Variants in CEP63 observed in about 807,000 individuals in gnomAD.
CEP63 encodes centrosomal protein 63, also known as centrosomal protein of 63 kDa.
CEP63 carries 84 observed loss-of-function variants against 89.1 expected under a neutral mutation model. The observed-to-expected ratio is 0.94, with a 90% CI of 0.79 to 1.13. CEP63 has a LOEUF of 1.13. Ranked by LOEUF, CEP63 falls within the 50% of genes most tolerant of loss-of-function variation. The pLI is 0.00. For synonymous variants in CEP63, 267 were observed against 272.5 expected, an observed-to-expected ratio of 0.98 and a Z score of 0.20; for missense variants, 838 against 813.3, an observed-to-expected ratio of 1.03 and a Z score of -0.37.
chr3:134,490,608 T>A (rs1368350410), intron 1 of CEP63, among the ~76,000 whole-genome samples: 1 of 152,172 alleles, frequency 6.6e-6, no homozygotes, highest in East Asian at 1.9e-4. Context: ...TTTTTCCCCA[T>A]TTTGATTTGT....
the CEP63 span, among the ~76,000 whole-genome samples, chr3:134,732,294 C>G: frequency 2.0e-5 from 3 of 152,134 alleles, no homozygotes; most frequent in Non-Finnish European, 4.4e-5. Flanking sequence ...AATAAAAATT[C>G]TCCTCCTAAC....
At chr3:134,629,659 G>T in the CEP63 span, 1 of 1,600,346 alleles carries the variant, frequency 6.2e-7, no homozygotes, top group South Asian at 1.1e-5. Context: ...CTGGGGCATG[G>T]CATCTCGAGG....
At chr3:134,675,053 C>T in the CEP63 span, among the ~76,000 whole-genome samples, 1 of 152,106 alleles carries the variant, frequency 6.6e-6, no homozygotes, top group Non-Finnish European at 1.5e-5. Context: ...GCATAAAATT[C>T]ATATGGAAAT....
chr3:134,761,802 C>T, the CEP63 span, among the ~76,000 whole-genome samples: 1 of 152,190 alleles, frequency 6.6e-6, no homozygotes, highest in African/African-American at 2.4e-5. Context: ...TCTTCTCCTC[C>T]TCTGTCTCCC....
At chr3:134,736,801 AC>A in the CEP63 span, among the ~76,000 whole-genome samples, 477 of 152,300 alleles carry the variant, frequency 3.1e-3, 4 homozygotes, top group African/African-American at 0.011. Flanking sequence ...TGTAGAATTT[AC>A]ATGGAAGAAC....
At chr3:134,487,604 C>T (rs187350886) in intron 1 of CEP63, among the ~76,000 whole-genome samples, 1 of 152,314 alleles carries the variant, frequency 6.6e-6, no homozygotes, top group Non-Finnish European at 1.5e-5. Flanking sequence ...TCAGCTAAAG[C>T]CAACATTGAC....
chr3:134,677,664 TCTC>T, the CEP63 span, among the ~76,000 whole-genome samples: 4 of 152,016 alleles, frequency 2.6e-5, no homozygotes, highest in Non-Finnish European at 5.9e-5. Context: ...GCTCTCATCT[TCTC>T]CTCCTTCTCC....
chr3:134,550,371 G>A, intron 11 of CEP63, 111 bp downstream of exon 11: 1 of 1,043,928 alleles, frequency 9.6e-7, no homozygotes, highest in East Asian at 2.6e-5. Context: ...TTAGATACCT[G>A]CTTTGAGCTG....
chr3:134,568,559 T>C (rs2110264577), downstream of CEP63, among the ~76,000 whole-genome samples: 1 of 152,280 alleles, frequency 6.6e-6, no homozygotes, highest in African/African-American at 2.4e-5. Flanking sequence ...AGCAGTAGCC[T>C]GTTCATATTA....
the CEP63 span, chr3:134,651,046 A>C: frequency 1.9e-6 from 3 of 1,581,190 alleles, no homozygotes; most frequent in South Asian, 3.4e-5. Context: ...CAGCTGCCCC[A>C]CACGGGAGAG....
the CEP63 span, among the ~76,000 whole-genome samples, chr3:134,656,185 G>T: frequency 6.6e-6 from 1 of 152,146 alleles, no homozygotes; most frequent in Non-Finnish European, 1.5e-5. Flanking sequence ...CAGAGAGGAG[G>T]GGCCAGGAAG....
chr3:134,527,014 A>G (rs938545934), intron 3 of CEP63, among the ~76,000 whole-genome samples: 1 of 152,106 alleles, frequency 6.6e-6, no homozygotes, highest in Non-Finnish European at 1.5e-5. Flanking sequence ...ACCACTAGTC[A>G]CTACACCACA....
At chr3:134,588,540 A>G (rs909813062), downstream of CEP63, among the ~76,000 whole-genome samples, 5 of 152,210 alleles carry the variant, frequency 3.3e-5, no homozygotes, top group African/African-American at 9.6e-5. Flanking sequence ...CTGAATGATC[A>G]TGAAATGACT....
rs1474201209 is a variant in CEP63 at position 134,559,180 on chromosome 3, A to C, written c.1704A>C (p.Gly568=). 3 of 1,614,186 alleles carry C rather than the reference A, an allele frequency of 1.9e-6. No homozygotes were observed. The South Asian group carries it at 3.3e-5, about 18-fold the overall frequency. Reference sequence around the variant, plus strand: ...CCCATGGCCAGCACAGACATGATGGAATAAAGACTGAGCACTACAAAACAG... The same window carrying C: ...CCCATGGCCAGCACAGACATGATGGCATAAAGACTGAGCACTACAAAACAG... The part of the protein sequence containing the change: ...KPTHGQHRHD[G]IKTEHYKTDL... Residue 568 remains glycine (G), a synonymous_variant, in exon 14 of 15, where the codon GGA becomes GGC. Transcript: ENST00000675561.
the CEP63 span, among the ~76,000 whole-genome samples, chr3:134,635,972 T>C: frequency 6.6e-6 from 1 of 152,232 alleles, no homozygotes; most frequent in Non-Finnish European, 1.5e-5. Context: ...TCATTTCAAA[T>C]GGCTACATAG....
chr3:134,503,840 G>GTTTCCATTTGTGCAGGATATTT (rs141445032), intron 2 of CEP63, among the ~76,000 whole-genome samples: 3 of 151,230 alleles, frequency 2.0e-5, no homozygotes, highest in African/African-American at 7.3e-5. Flanking sequence ...CATGTTTTTG[G>GTTTCCATTTGTGCAGGATATTT]TTTCCCATCT....
intron 3 of CEP63, among the ~76,000 whole-genome samples, chr3:134,522,023 C>G (rs568793200): frequency 6.6e-6 from 1 of 152,258 alleles, no homozygotes; most frequent in Non-Finnish European, 1.5e-5. Context: ...CATGCACTCT[C>G]TTTTAGTCTC....
chr3:134,624,415 G>T, the CEP63 span, among the ~76,000 whole-genome samples: 1 of 152,130 alleles, frequency 6.6e-6, no homozygotes, highest in East Asian at 1.9e-4. Flanking sequence ...GTACCTATAA[G>T]GTGGCCTTTT....
chr3:134,653,644 T>G, the CEP63 span, among the ~76,000 whole-genome samples: 88,380 of 152,138 alleles, frequency 0.58, 27,054 homozygotes, highest in East Asian at 0.88. Flanking sequence ...TGAAGGCATT[T>G]GGATGTATCA....
Sources: allele counts gnomAD v4.1 joint callset (sites outside exome capture counted in the v4.1 genomes callset), GRCh38; gene constraint gnomAD v4.1.1; transcripts MANE v1.5; gene names NCBI Gene and HGNC (gene_info 2026-07-23, HGNC 2026-07-21).